Variants in SNX29 observed in about 807,000 individuals in gnomAD.
SNX29 encodes sorting nexin 29.
In SNX29, 78 loss-of-function variants were observed where a neutral mutation model predicts 102.1. That is an observed-to-expected ratio of 0.76 (90% CI 0.64 to 0.92). The LOEUF (loss-of-function observed/expected upper bound fraction) is 0.92. Among genes scored for constraint, SNX29 ranks in the 40% least tolerant of loss-of-function variants. The pLI is 0.00. For synonymous variants in SNX29, 580 were observed against 414.5 expected, an observed-to-expected ratio of 1.40 and a Z score of -4.85; for missense variants, 1,280 against 1,061.7, an observed-to-expected ratio of 1.21 and a Z score of -2.86.
chr16:12,504,500 T>C (rs2089281879), intron 19 of SNX29, among the ~76,000 whole-genome samples: 1 of 152,228 alleles, frequency 6.6e-6, no homozygotes, highest in Non-Finnish European at 1.5e-5. Flanking sequence ...AATCATGCAC[T>C]GTGAACTCTT....
At chr16:12,484,865 C>T (rs181661384) in intron 19 of SNX29, among the ~76,000 whole-genome samples, 237 of 152,254 alleles carry the variant, frequency 1.6e-3, no homozygotes, top group East Asian at 5.8e-3. Flanking sequence ...CTTATTTGTG[C>T]ACTTCAATAT....
In SNX29 at chr16:12,052,003, A is replaced by G. The variant is rs770833850; in HGVS notation, c.905A>G (p.Asn302Ser). The G allele has an allele frequency of 1.2e-6, 2 of 1,613,972 alleles. No homozygotes were observed. Among genetic ancestry groups the G allele is most frequent in the East Asian group, 2.2e-5 (1 of 44,880 alleles). ...SEDNSDRSSV[N>S]IMSAFESPFG... ...GACAACTCCGACCGCTCCTCTGTCA[A>G]TATCATGTCCGCCTTTGAAAGCCCC... Residue 302 changes from asparagine to serine, a missense_variant, in exon 8 of 21, where the codon AAT (asparagine) becomes AGT (serine). Transcript: ENST00000566228.
rs138277600 is a variant in SNX29 at position 12,004,017 on chromosome 16, C to T, written c.122+974C>T. 5.0e-3 allele frequency among the ~76,000 whole-genome samples: 766 copies of T among 151,916 alleles called. 13 individuals are homozygous for T. The highest frequency in any genetic ancestry group is 0.034 in the Admixed American group (517 of 15,254). On this transcript the variant is annotated intron_variant, in intron 3 of 20. Transcript: ENST00000566228. Reference sequence around the variant, plus strand: ...CGCCACTGTACTCCAGCCTGGGTGACAGAGTGAGACAGGATGAGACTGTGT... The same window carrying T: ...CGCCACTGTACTCCAGCCTGGGTGATAGAGTGAGACAGGATGAGACTGTGT...
intron 11 of SNX29, chr16:12,089,657 A>G: frequency 5.2e-6 from 1 of 190,498 alleles, no homozygotes; most frequent in South Asian, 6.1e-5. Context: ...GCCAGAAGTG[A>G]GGGGGAGAGT....
rs200955496 is a variant in SNX29, at chr16:12,356,279, G to T, written c.1899G>T (p.Pro633=). The T allele has an allele frequency of 3.1e-6, 5 of 1,595,640 alleles. No individual in the cohort carries two copies. The South Asian group carries it at 3.4e-5, about 11-fold the overall frequency. Residue 633 remains proline (P), a splice_region_variant and synonymous_variant, in exon 16 of 21, where the codon CCG becomes CCT. Transcript: ENST00000566228. The part of the protein sequence containing the change: ...MRQELIDLRG[P]VPGDLSQTSE... ...AGGAGCTCATCGATCTCCGGGGACC[G>T]GTGAGTGTTTCCCCAACCCTGTGTG...
At chr16:12,271,912 T>G (rs1464986321) in intron 14 of SNX29, among the ~76,000 whole-genome samples, 1 of 152,208 alleles carries the variant, frequency 6.6e-6, no homozygotes, top group African/African-American at 2.4e-5. Context: ...TGTGAACCAC[T>G]GTGCCCTGCC....
In SNX29 at chr16:12,342,230, C is replaced by A. The variant is rs187523837; in HGVS notation, c.1783-13933C>A. ...AGAGAAAAAGTTTTATTGCCTGTTG[C>A]CCTCTGCAAGGGAAGAAAAGTCACA... On this transcript the variant is annotated intron_variant, in intron 15 of 20. Coordinates refer to ENST00000566228, the MANE Select transcript of SNX29 (RefSeq NM_032167.5). 5.6e-4 allele frequency among the ~76,000 whole-genome samples: 86 copies of A among 152,302 alleles called. 1 individual carries two copies. The highest frequency in any genetic ancestry group is 1.8e-4 in the Non-Finnish European group (12 of 68,018).
At chr16:12,403,354 G>A (rs1182441512) in intron 17 of SNX29, 94 bp from the exon 18 acceptor site, 1 of 1,244,814 alleles carries the variant, frequency 8.0e-7, no homozygotes, top group African/African-American at 1.5e-5. Context: ...ATACCTCTTG[G>A]AGTAGAAAAT....
At chr16:12,097,586 G>A (rs561191072) in intron 11 of SNX29, among the ~76,000 whole-genome samples, 1 of 151,732 alleles carries the variant, frequency 6.6e-6, no homozygotes, top group East Asian at 1.9e-4. Flanking sequence ...TTTTATTTGA[G>A]GTCTGCTGCA....
At chr16:12,458,030 T>A (rs2086614116) in intron 18 of SNX29, among the ~76,000 whole-genome samples, 1 of 152,222 alleles carries the variant, frequency 6.6e-6, no homozygotes, top group South Asian at 2.1e-4. Context: ...CTGCAAAAAT[T>A]CCTAAATTGG....
chr16:12,041,821 A>C (rs2049890432), intron 4 of SNX29, among the ~76,000 whole-genome samples: 1 of 152,204 alleles, frequency 6.6e-6, no homozygotes, highest in South Asian at 2.1e-4. Context: ...ATATAAGGTA[A>C]TATTCAGAGA....
Position 12,572,116 on chromosome 16 carries a change from C to G in SNX29, c.*3487C>G. Reference sequence around the variant, plus strand: ...GGATGTGGACTGGGTCTGATCACAGCCCTTGGCCCTGCTTCATACTTTGGA... The same window carrying G: ...GGATGTGGACTGGGTCTGATCACAGGCCTTGGCCCTGCTTCATACTTTGGA... On this transcript the variant is annotated 3_prime_UTR_variant, in exon 21 of 21. Coordinates refer to ENST00000566228, the MANE Select transcript of SNX29 (RefSeq NM_032167.5). 2 of 1,038,218 alleles carry G rather than the reference C, an allele frequency of 1.9e-6. No individual in the cohort carries two copies. The highest frequency in any genetic ancestry group is 2.3e-6 in the Non-Finnish European group (2 of 855,124). The allele number at this position is 1,038,218 out of a possible 1,614,324, so 64.3% of individuals were successfully genotyped here.
chr16:12,564,661 A>G (rs534557776), intron 20 of SNX29, among the ~76,000 whole-genome samples: 9 of 152,300 alleles, frequency 5.9e-5, no homozygotes, highest in African/African-American at 2.2e-4. Flanking sequence ...GGAATGGAAC[A>G]TATCTTGTCC....
At chr16:12,116,021 A>C (rs2053684264) in intron 11 of SNX29, among the ~76,000 whole-genome samples, 1 of 152,354 alleles carries the variant, frequency 6.6e-6, no homozygotes, top group African/African-American at 2.4e-5. Flanking sequence ...TGGTGAAATA[A>C]TCCAAATTGA....
At chr16:12,523,568 C>T (rs989100978) in intron 19 of SNX29, among the ~76,000 whole-genome samples, 3 of 152,338 alleles carry the variant, frequency 2.0e-5, no homozygotes, top group African/African-American at 4.8e-5. Flanking sequence ...CCCAGGCCAA[C>T]GTGACAGTGT....
chr16:12,026,408 A>G (rs1173963317), intron 3 of SNX29, among the ~76,000 whole-genome samples: 2 of 152,244 alleles, frequency 1.3e-5, no homozygotes, highest in Non-Finnish European at 2.9e-5. Context: ...TCATCTCCTC[A>G]GAGCCTAGAA....
chr16:12,033,718 T>C (rs374052768), intron 4 of SNX29, among the ~76,000 whole-genome samples: 19 of 152,142 alleles, frequency 1.2e-4, no homozygotes, highest in African/African-American at 4.6e-4. Flanking sequence ...GTGTTTCTCC[T>C]GCTTCAGCCT....
At chr16:12,494,599 C>G (rs1447792176) in intron 19 of SNX29, among the ~76,000 whole-genome samples, 1 of 152,214 alleles carries the variant, frequency 6.6e-6, no homozygotes, top group Non-Finnish European at 1.5e-5. Flanking sequence ...TGCTGAGGAG[C>G]CCATCTTCTC....
chr16:12,331,764 C>T (rs1282693911), intron 15 of SNX29, among the ~76,000 whole-genome samples: 1 of 152,184 alleles, frequency 6.6e-6, no homozygotes, highest in African/African-American at 2.4e-5. Flanking sequence ...GTTGGCCAGG[C>T]TGGTCTTGAA....
Sources: allele counts gnomAD v4.1 joint callset (sites outside exome capture counted in the v4.1 genomes callset), GRCh38; gene constraint gnomAD v4.1.1; transcripts MANE v1.5; gene names NCBI Gene and HGNC (gene_info 2026-07-23, HGNC 2026-07-21).